The following KATNA1 variants were observed in gnomAD, a reference collection of about 807,000 sequenced individuals.
KATNA1 encodes katanin p60 ATPase-containing subunit A1.
Under a neutral mutation model 62.6 loss-of-function variants are expected in KATNA1, and 42 were observed. That is an observed-to-expected ratio of 0.67 (90% CI 0.52 to 0.87). The LOEUF is 0.87. KATNA1 is among the 40% of genes least tolerant of loss of function. KATNA1 has a pLI of 0.00. For missense variants in KATNA1, 498 were observed against 612.5 expected (o/e 0.81, Z 1.97); for synonymous variants, 186 against 201.9 (o/e 0.92, Z 0.67).
chr6:149,638,329 A>G, intron 2 of KATNA1, 57 bp downstream of exon 2: 1 of 1,515,324 alleles, frequency 6.6e-7, no homozygotes, highest in Non-Finnish European at 9.1e-7. Context: ...CATCTGATCT[A>G]AATTTTCTCT....
Position 149,594,917 on chromosome 6 carries a change from T to A in KATNA1, c.*119A>T. The A allele has an allele frequency of 1.3e-6, 1 of 768,766 alleles. No homozygotes were observed. Among genetic ancestry groups the A allele is most frequent in the Non-Finnish European group, 2.0e-6 (1 of 504,904 alleles). The allele number at this position is 768,766 out of a possible 1,614,324, so 47.6% of individuals were successfully genotyped here. A position where few individuals can be genotyped will look rare whatever the true frequency, so the allele number is the denominator to read the frequency against. ...GCCTTTATTCAGAATCATAAGGGTTTTTTTAAAAAAATCTTACCATTATGA... is the reference window on the plus strand; with the variant it reads ...GCCTTTATTCAGAATCATAAGGGTTATTTTAAAAAAATCTTACCATTATGA... On this transcript the variant is annotated 3_prime_UTR_variant, in exon 11 of 11. Transcript: ENST00000367411.
intron 7 of KATNA1, among the ~76,000 whole-genome samples, chr6:149,600,624 C>A (rs368479052): frequency 4.8e-4 from 73 of 151,828 alleles, no homozygotes; most frequent in African/African-American, 1.7e-3. Flanking sequence ...CAGAATGAGA[C>A]CCTGTCAAAA....
At chr6:149,618,089 A>G (rs1430330592) in intron 4 of KATNA1, among the ~76,000 whole-genome samples, 2 of 148,410 alleles carry the variant, frequency 1.3e-5, no homozygotes, top group Non-Finnish European at 3.0e-5. Flanking sequence ...TGGGAGGCGG[A>G]GGTTGCAGTG....
At chr6:149,606,437 G>A (rs759017899) in intron 4 of KATNA1, among the ~76,000 whole-genome samples, 1 of 151,786 alleles carries the variant, frequency 6.6e-6, no homozygotes, top group East Asian at 1.9e-4. Context: ...TTTTTTGCAC[G>A]TAACATGATG....
intron 3 of KATNA1, among the ~76,000 whole-genome samples, chr6:149,630,705 G>A (rs1779796262): frequency 6.6e-6 from 1 of 152,228 alleles, no homozygotes; most frequent in Admixed American, 6.5e-5. Flanking sequence ...TCAAGAACAT[G>A]ATGGTATGGG....
At chr6:149,628,594 G>A (rs1582794776) in intron 3 of KATNA1, among the ~76,000 whole-genome samples, 1 of 151,934 alleles carries the variant, frequency 6.6e-6, no homozygotes, top group East Asian at 1.9e-4. Flanking sequence ...GGCCAAGGCA[G>A]GTGGATCACG....
intron 8 of KATNA1, among the ~76,000 whole-genome samples, 154 bp from the exon 9 acceptor site, chr6:149,597,795 G>A (rs1264334762): frequency 6.6e-6 from 1 of 152,180 alleles, no homozygotes; most frequent in African/African-American, 2.4e-5. Flanking sequence ...TGGTACCTAT[G>A]TGAATTTGTA....
intron 4 of KATNA1, among the ~76,000 whole-genome samples, chr6:149,622,119 C>T (rs1779420771): frequency 7.1e-6 from 1 of 141,330 alleles, no homozygotes; most frequent in African/African-American, 2.8e-5. Flanking sequence ...CTTTTGATAA[C>T]TGTGTTTTTT....
At chr6:149,618,939 C>G (rs1260072361) in intron 4 of KATNA1, among the ~76,000 whole-genome samples, 1 of 152,034 alleles carries the variant, frequency 6.6e-6, no homozygotes, top group Non-Finnish European at 1.5e-5. Flanking sequence ...TTAGGAAGAC[C>G]TCAAAAGCAC....
chr6:149,595,655 T>C (rs1375850974), intron 10 of KATNA1, among the ~76,000 whole-genome samples: 1 of 152,040 alleles, frequency 6.6e-6, no homozygotes, highest in East Asian at 1.9e-4. Context: ...CTTTTCTCAT[T>C]TGTGTTAAAA....
chr6:149,636,081 AAAAAAT>A (rs1383823320), intron 2 of KATNA1, among the ~76,000 whole-genome samples: 2 of 152,056 alleles, frequency 1.3e-5, no homozygotes, highest in South Asian at 2.1e-4. Context: ...AGAAAATGGT[AAAAAAT>A]AAAAATAAAA....
chr6:149,612,630 G>A (rs1779005122), intron 4 of KATNA1, among the ~76,000 whole-genome samples: 1 of 152,082 alleles, frequency 6.6e-6, no homozygotes, highest in Admixed American at 6.5e-5. Flanking sequence ...ATCAGATGAA[G>A]ACAGTTCCAA....
chr6:149,646,918 G>A (rs1582819729), intron 1 of KATNA1, among the ~76,000 whole-genome samples: 1 of 152,048 alleles, frequency 6.6e-6, no homozygotes, highest in Non-Finnish European at 1.5e-5. Flanking sequence ...ATTGTTAATA[G>A]AAATTCAACA....
intron 4 of KATNA1, among the ~76,000 whole-genome samples, chr6:149,611,106 TAATCATTTAAGCTTTTACCTCATG>T (rs1778936897): frequency 6.6e-6 from 1 of 151,558 alleles, no homozygotes; most frequent in Admixed American, 6.6e-5. Flanking sequence ...AAGTCTCAAA[TAATCATTTAAGCTTTTACCTCATG>T]AATGTAGAAA....
intron 7 of KATNA1, among the ~76,000 whole-genome samples, chr6:149,599,141 A>G (rs960699151): frequency 6.6e-6 from 1 of 152,268 alleles, no homozygotes; most frequent in Non-Finnish European, 1.5e-5. Flanking sequence ...CTAGGATTAC[A>G]ATGAGCCACT....
Position 149,632,784 on chromosome 6 carries a change from A to G in KATNA1, c.295T>C (p.Ser99Pro). ...DLPASEGEVW[S>P]MPVPVERRPS... ...CTTCGTTCAACAGGTACAGGCATGGACCAGACTTCTCCCTCAGAAGCTGGA... is the reference window on the plus strand; with the variant it reads ...CTTCGTTCAACAGGTACAGGCATGGGCCAGACTTCTCCCTCAGAAGCTGGA... Residue 99 changes from serine to proline, a missense_variant, in exon 3 of 11, where the codon TCC becomes CCC. Physicochemically the swap from Ser to Pro is moderately conservative, Grantham distance 74. Transcript: ENST00000367411. 1 of 1,613,332 alleles carries G rather than the reference A, an allele frequency of 6.2e-7. No homozygotes were observed. Among genetic ancestry groups the G allele is most frequent in the Non-Finnish European group, 8.5e-7 (1 of 1,179,802 alleles).
intron 7 of KATNA1, among the ~76,000 whole-genome samples, chr6:149,601,215 A>T (rs1239767230): frequency 6.6e-6 from 1 of 152,206 alleles, no homozygotes; most frequent in Non-Finnish European, 1.5e-5. Context: ...AATAGATCGG[A>T]GGTGACCTAA....
chr6:149,600,803 G>A (rs1164691251), intron 7 of KATNA1, among the ~76,000 whole-genome samples: 1 of 151,012 alleles, frequency 6.6e-6, no homozygotes, highest in Admixed American at 6.6e-5. Context: ...TGAGCTGAGT[G>A]TGGTGGCTCA....
rs74806406 is a variant in KATNA1, at chr6:149,633,735, A to G, written c.163-819T>C. Among the ~76,000 whole-genome samples the G allele has an allele frequency of 3.6e-3, 552 of 151,948 alleles. 4 individuals carry two copies. Among genetic ancestry groups the G allele is most frequent in the African/African-American group, 0.013 (525 of 41,442 alleles). On this transcript the variant is annotated intron_variant, in intron 2 of 10. Transcript: ENST00000367411. ...GCAACATAGCAAGAATCTGTCTCAA[A>G]AAAATAAAAAATAAAAAAAAAATCC...
Sources: allele counts gnomAD v4.1 joint callset (sites outside exome capture counted in the v4.1 genomes callset), GRCh38; gene constraint gnomAD v4.1.1; transcripts MANE v1.5; gene names NCBI Gene and HGNC (gene_info 2026-07-23, HGNC 2026-07-21).